The following PON1 variants were observed in gnomAD, a reference collection of about 807,000 sequenced individuals.
PON1 encodes paraoxonase 1.
In PON1, 37 loss-of-function variants were observed where a neutral mutation model predicts 39.2. That is an observed-to-expected ratio of 0.94 (90% CI 0.73 to 1.24). PON1 has a LOEUF of 1.24. PON1 is among the 50% of genes most tolerant of loss of function. PON1 has a pLI of 0.00. For synonymous variants in PON1, 148 were observed against 152.2 expected, an observed-to-expected ratio of 0.97 and a Z score of 0.21; for missense variants, 397 against 413.5, an observed-to-expected ratio of 0.96 and a Z score of 0.35.
rs921955403 is a variant in PON1, at chr7:95,298,872, TG to T, written c.*71del. 8.3e-6 allele frequency: 13 copies of T among 1,571,224 alleles called. No homozygotes were observed. In the African/African-American group the frequency reaches 1.6e-4, roughly 20 times the overall value. On this transcript the variant is annotated 3_prime_UTR_variant, in exon 9 of 9. Coordinates refer to ENST00000222381, the MANE Select transcript of PON1 (RefSeq NM_000446.7). ...GCATTCATTGTTCAGCTAAGAACAC[TG>T]GGTCCTCGGAATATGGCAAGCGGTT...
At chr7:95,308,371 C>T (rs1807586190) in intron 5 of PON1, among the ~76,000 whole-genome samples, 160 bp from the exon 6 acceptor site, 2 of 123,684 alleles carry the variant, frequency 1.6e-5, no homozygotes, top group African/African-American at 8.2e-5. Flanking sequence ...ATTAGTCCTG[C>T]CGATACAATC....
At chr7:95,302,108 A>AC in intron 8 of PON1, 97 bp downstream of exon 8, 21 of 810,500 alleles carry the variant, frequency 2.6e-5, no homozygotes, top group Non-Finnish European at 3.2e-5. Flanking sequence ...AAAAAAAAAA[A>AC]AAAAAAAAAA....
Position 95,298,833 on chromosome 7 carries a change from C to T in PON1, c.*111G>A. On this transcript the variant is annotated 3_prime_UTR_variant, in exon 9 of 9. Transcript: ENST00000222381. The stretch of plus-strand genomic sequence containing the variant: ...CAGTGCTTTGATGCTTCATGATGTC[C>T]ACATTTAGGGTCAGCATTCATTGTT... 7.4e-7 allele frequency: 1 copy of T among 1,343,078 alleles called. No homozygotes were observed. Among genetic ancestry groups the T allele is most frequent in the Non-Finnish European group, 1.1e-6 (1 of 940,508 alleles). 83.2% of individuals were successfully genotyped at this position (1,343,078 alleles called of 1,614,324 possible).
chr7:95,302,474 A>T, intron 7 of PON1, 141 bp from the exon 8 acceptor site: 1 of 711,444 alleles, frequency 1.4e-6, no homozygotes. Context: ...GCCCCATTTC[A>T]ATAAGACTCA....
In PON1 at chr7:95,302,328, A is replaced by C; in HGVS notation, c.786T>G (p.Leu262=). The C allele has an allele frequency of 6.2e-7, 1 of 1,606,686 alleles. No individual in the cohort carries two copies. Among genetic ancestry groups the C allele is most frequent in the Non-Finnish European group, 8.5e-7 (1 of 1,173,804 alleles). Residue 262 remains leucine, a synonymous_variant, in exon 8 of 9, where the codon CTT becomes CTG. Transcript: ENST00000222381. ...TGTTATCCACGAGGGTATTAAAGTC[A>C]AGGGACTTAAAAGATTAAAAACAAG... The part of the protein sequence containing the change: ...ANWTLTPLKS[L]DFNTLVDNIS...
intron 1 of PON1, 95 bp from the exon 2 acceptor site, chr7:95,318,488 T>C (rs1277770425): frequency 5.3e-6 from 6 of 1,132,096 alleles, no homozygotes; most frequent in African/African-American, 1.5e-5. Context: ...TCCTTCACTG[T>C]ACTTTGCCTG....
chr7:95,300,457 T>C (rs1194437163), intron 8 of PON1, among the ~76,000 whole-genome samples: 4 of 152,216 alleles, frequency 2.6e-5, no homozygotes, highest in Non-Finnish European at 5.9e-5. Context: ...TAAAAGGGTC[T>C]GTGGGAACGT....
At chr7:95,315,218 A>T in intron 4 of PON1, 104 bp downstream of exon 4, 1 of 1,058,110 alleles carries the variant, frequency 9.5e-7, no homozygotes, top group Non-Finnish European at 1.4e-6. Context: ...ATTATTCATG[A>T]CTATGCTTTG....
intron 1 of PON1, 113 bp from the exon 2 acceptor site, chr7:95,318,506 A>C: frequency 1.1e-6 from 1 of 950,740 alleles, no homozygotes; most frequent in Non-Finnish European, 1.7e-6. Context: ...CTGAGTTTCA[A>C]CTCCAGAGTT....
intron 1 of PON1, 150 bp downstream of exon 1, chr7:95,324,252 C>G: frequency 1.3e-6 from 1 of 767,306 alleles, no homozygotes; most frequent in East Asian, 2.7e-5. Flanking sequence ...GACGGCTGGA[C>G]AAACATTTAT....
chr7:95,323,802 C>T (rs1247580031), intron 1 of PON1, among the ~76,000 whole-genome samples: 3 of 152,196 alleles, frequency 2.0e-5, no homozygotes, highest in Non-Finnish European at 2.9e-5. Flanking sequence ...TTGCCCAAAT[C>T]GCATACTCAT....
rs150657027 is a variant in PON1, at chr7:95,324,459, G to A, written c.17C>T (p.Ala6Val). Residue 6 changes from alanine to valine, a missense_variant, in exon 1 of 9, where the codon GCG (alanine) becomes GTG (valine). Transcript: ENST00000222381. MAKLI[A>V]LTLLGMGLAL... ...CAGTCCCATCCCCAAGAGGGTGAGC[G>A]CAATCAGCTTCGCCATGGTCGGGGA... The A allele has an allele frequency of 3.2e-4, 519 of 1,614,124 alleles. 3 individuals are homozygous for A. The highest frequency in any genetic ancestry group is 3.2e-4 in the Non-Finnish European group (374 of 1,179,996).
chr7:95,323,424 A>T (rs888231719), intron 1 of PON1, among the ~76,000 whole-genome samples: 1 of 152,220 alleles, frequency 6.6e-6, no homozygotes, highest in African/African-American at 2.4e-5. Context: ...ACTTAAAAAA[A>T]TTAGAAAAAC....
At chr7:95,311,293 T>A (rs1256548067) in intron 5 of PON1, among the ~76,000 whole-genome samples, 158 bp downstream of exon 5, 1 of 152,008 alleles carries the variant, frequency 6.6e-6, no homozygotes, top group Non-Finnish European at 1.5e-5. Flanking sequence ...GGGGCTTGAG[T>A]CCTCAGAAGG....
chr7:95,305,476 G>A (rs1206191317), intron 7 of PON1, among the ~76,000 whole-genome samples: 1 of 152,178 alleles, frequency 6.6e-6, no homozygotes, highest in African/African-American at 2.4e-5. Flanking sequence ...GAAGCAAATA[G>A]AAAAACAGCC....
At chr7:95,302,389 T>C in intron 7 of PON1, 56 bp from the exon 8 acceptor site, 2 of 1,511,400 alleles carry the variant, frequency 1.3e-6, no homozygotes, top group Non-Finnish European at 9.1e-7. Context: ...ACAATTGTGA[T>C]GGAGCAAAAT....
At chr7:95,320,805 G>A (rs1326231273) in intron 1 of PON1, among the ~76,000 whole-genome samples, 1 of 152,152 alleles carries the variant, frequency 6.6e-6, no homozygotes, top group Non-Finnish European at 1.5e-5. Flanking sequence ...CAAATGTTCT[G>A]GGCCTAAGAG....
chr7:95,315,212 T>G, intron 4 of PON1, 110 bp downstream of exon 4: 1 of 1,025,284 alleles, frequency 9.8e-7, no homozygotes, highest in Non-Finnish European at 1.5e-6. Context: ...AAGAACATTA[T>G]TCATGACTAT....
chr7:95,302,183 C>G (rs1328752497), intron 8 of PON1, 22 bp downstream of exon 8: 3 of 1,511,090 alleles, frequency 2.0e-6, no homozygotes, highest in Non-Finnish European at 2.7e-6. Context: ...AGTCACTTAT[C>G]TGGTTCATTT....
Sources: allele counts gnomAD v4.1 joint callset (sites outside exome capture counted in the v4.1 genomes callset), GRCh38; gene constraint gnomAD v4.1.1; transcripts MANE v1.5; gene names NCBI Gene and HGNC (gene_info 2026-07-23, HGNC 2026-07-21).